THRB: variants seen among roughly 807,000 people sequenced by gnomAD.
THRB encodes thyroid hormone receptor beta, also known as nuclear receptor subfamily 1 group A member 2.
THRB carries 12 observed loss-of-function variants against 47.8 expected under a neutral mutation model. That is an observed-to-expected ratio of 0.25 (90% CI 0.16 to 0.41). THRB has a LOEUF of 0.41. THRB is among the 10% of genes least tolerant of loss of function. The pLI is 1.00. For missense variants in THRB, 348 were observed against 589.2 expected (o/e 0.59, Z 4.24); for synonymous variants, 218 against 212.2 (o/e 1.03, Z -0.24).
At chr3:24,345,350 C>T (rs980683574) in intron 1 of THRB, among the ~76,000 whole-genome samples, 4 of 152,056 alleles carry the variant, frequency 2.6e-5, no homozygotes, top group African/African-American at 9.7e-5. Context: ...AAACCACTAT[C>T]CATGAAGGAG....
intron 1 of THRB, among the ~76,000 whole-genome samples, chr3:24,367,170 G>A (rs902397316): frequency 1.3e-5 from 2 of 152,144 alleles, no homozygotes; most frequent in African/African-American, 4.8e-5. Flanking sequence ...CTGGAAGCAG[G>A]ACGTGGAGAT....
intron 3 of THRB, among the ~76,000 whole-genome samples, chr3:24,253,785 G>C (rs2050910247): frequency 6.6e-6 from 1 of 151,994 alleles, no homozygotes; most frequent in Non-Finnish European, 1.5e-5. Context: ...GCCAAGGCTG[G>C]CCAGGTAGAT....
intron 4 of THRB, among the ~76,000 whole-genome samples, chr3:24,217,241 G>A (rs1035823070): frequency 3.3e-5 from 5 of 152,102 alleles, no homozygotes; most frequent in South Asian, 2.1e-4. Flanking sequence ...GAAACTATGA[G>A]CCATTTAAAA....
At chr3:24,408,788 C>A (rs1397882759) in intron 1 of THRB, among the ~76,000 whole-genome samples, 1 of 151,740 alleles carries the variant, frequency 6.6e-6, no homozygotes, top group Non-Finnish European at 1.5e-5. Flanking sequence ...TTTTCATTTA[C>A]TTTATAACAC....
chr3:24,258,227 C>T (rs558466460), intron 3 of THRB, among the ~76,000 whole-genome samples: 41 of 152,158 alleles, frequency 2.7e-4, no homozygotes, highest in African/African-American at 6.7e-4. Flanking sequence ...GCAATGCAAG[C>T]GACGCCTAAG....
In THRB at chr3:24,121,048, G is replaced by A. The variant is rs1307662520; in HGVS notation, c.*1836C>T. ...TATTTCGAGCCAATAACAAATTTAC[G>A]TTCCTTAACTGTTAAGTGGGCCATA... On this transcript the variant is annotated 3_prime_UTR_variant, in exon 11 of 11. Transcript: ENST00000646209. The A allele has an allele frequency of 3.3e-5, 5 of 152,032 alleles. No homozygotes were observed. In the South Asian group the frequency reaches 6.2e-4, roughly 19 times the overall value. 9.4% of individuals were successfully genotyped at this position (152,032 alleles called of 1,614,324 possible).
chr3:24,402,833 A>C (rs1362047515), intron 1 of THRB, among the ~76,000 whole-genome samples: 1 of 151,982 alleles, frequency 6.6e-6, no homozygotes. Flanking sequence ...TTTGATACGC[A>C]CTGCCAAATT....
intron 1 of THRB, among the ~76,000 whole-genome samples, chr3:24,412,956 A>G (rs568610488): frequency 2.6e-5 from 4 of 151,822 alleles, no homozygotes; most frequent in Non-Finnish European, 4.4e-5. Context: ...AATTTAAATA[A>G]TATACCATTT....
intron 1 of THRB, among the ~76,000 whole-genome samples, chr3:24,374,411 T>C (rs1481235561): frequency 6.6e-6 from 1 of 152,166 alleles, no homozygotes; most frequent in Non-Finnish European, 1.5e-5. Context: ...TTTAAAGTAT[T>C]TAAATGTTTG....
At chr3:24,330,132 C>T (rs1171242505) in intron 2 of THRB, among the ~76,000 whole-genome samples, 4 of 151,250 alleles carry the variant, frequency 2.6e-5, no homozygotes, top group Non-Finnish European at 5.9e-5. Context: ...GGTGAAACCC[C>T]GTCTCTACTA....
At chr3:24,284,244 C>T (rs1442364981) in intron 3 of THRB, among the ~76,000 whole-genome samples, 37 of 151,358 alleles carry the variant, frequency 2.4e-4, no homozygotes, top group East Asian at 1.6e-3. Context: ...TATAGATCAA[C>T]GGAACAGAAC....
chr3:24,239,581 T>C (rs1164549239), intron 3 of THRB, among the ~76,000 whole-genome samples: 1 of 152,156 alleles, frequency 6.6e-6, no homozygotes, highest in African/African-American at 2.4e-5. Context: ...CTATCATTAT[T>C]ATTTATTATT....
At chr3:24,426,449 T>A (rs1449624851) in intron 1 of THRB, among the ~76,000 whole-genome samples, 1 of 151,912 alleles carries the variant, frequency 6.6e-6, no homozygotes, top group Non-Finnish European at 1.5e-5. Context: ...TTTTATTAAA[T>A]GTGAAGGGCA....
At chr3:24,404,073 A>ACT (rs1196496215) in intron 1 of THRB, among the ~76,000 whole-genome samples, 1 of 151,970 alleles carries the variant, frequency 6.6e-6, no homozygotes, top group Non-Finnish European at 1.5e-5. Flanking sequence ...GGCTTGATAG[A>ACT]TTCCCATAGT....
intron 5 of THRB, among the ~76,000 whole-genome samples, chr3:24,173,047 T>C (rs1301060038): frequency 6.6e-6 from 1 of 152,186 alleles, no homozygotes; most frequent in Non-Finnish European, 1.5e-5. Context: ...GATTCTCAAA[T>C]GGTGGTTTCT....
rs768721806 is a variant in THRB at position 24,152,968 on chromosome 3, AAAAAAGAAAG to A, written c.284-488_284-479del. ...CAAGAGCGAAATTCTGCCAAAAAAA[AAAAAAGAAAG>A]AAAGAAAGAAAGAAAGAAAGAAAGA... On this transcript the variant is annotated intron_variant, in intron 5 of 10. Coordinates refer to ENST00000646209, the MANE Select transcript of THRB (RefSeq NM_001354712.2). Among the ~76,000 whole-genome samples the A allele has an allele frequency of 7.4e-3, 724 of 97,970 alleles. 6 individuals are homozygous for A. The highest frequency in any genetic ancestry group is 0.029 in the African/African-American group (656 of 22,242). 64.3% of individuals were successfully genotyped at this position (97,970 alleles called of 152,430 possible).
intron 1 of THRB, among the ~76,000 whole-genome samples, chr3:24,422,825 T>A (rs578230122): frequency 1.3e-5 from 2 of 151,978 alleles, no homozygotes; most frequent in South Asian, 4.1e-4. Flanking sequence ...TCCTTCCCTA[T>A]ATGCACATGC....
At chr3:24,171,982 A>C (rs1344219916) in intron 5 of THRB, among the ~76,000 whole-genome samples, 2 of 152,176 alleles carry the variant, frequency 1.3e-5, no homozygotes, top group Non-Finnish European at 2.9e-5. Context: ...GAAAACAATA[A>C]AAATAAACTT....
At chr3:24,359,771 A>G (rs1019280573) in intron 1 of THRB, among the ~76,000 whole-genome samples, 9 of 152,152 alleles carry the variant, frequency 5.9e-5, no homozygotes, top group Non-Finnish European at 1.5e-5. Context: ...GGGGACAGCC[A>G]TGGCCCTCAG....
Sources: gnomAD v4.1 joint callset for allele counts (sites outside exome capture counted in the v4.1 genomes callset) on GRCh38, gnomAD v4.1.1 for gene constraint, MANE v1.5 for transcripts, NCBI Gene and HGNC (gene_info 2026-07-23, HGNC 2026-07-21) for gene names.